The following RUNX2 variants were observed in gnomAD, a reference collection of about 807,000 sequenced individuals.
RUNX2 encodes the protein RUNX family transcription factor 2.
Under a neutral mutation model 51.7 loss-of-function variants are expected in RUNX2, and 10 were observed. The observed-to-expected ratio is 0.19, with a 90% CI of 0.12 to 0.33. The LOEUF (loss-of-function observed/expected upper bound fraction) is 0.33. RUNX2 is among the 10% of genes least tolerant of loss of function. RUNX2 has a pLI of 1.00. For synonymous variants in RUNX2, 276 were observed against 273.6 expected, an observed-to-expected ratio of 1.01 and a Z score of -0.09; for missense variants, 562 against 691.3, an observed-to-expected ratio of 0.81 and a Z score of 2.10.
At chr6:45,461,298 A>T (rs1799470279) in intron 5 of RUNX2, among the ~76,000 whole-genome samples, 1 of 152,246 alleles carries the variant, frequency 6.6e-6, no homozygotes, top group Non-Finnish European at 1.5e-5. Flanking sequence ...ACAGGGAATT[A>T]CAGGGACTGG....
intron 5 of RUNX2, among the ~76,000 whole-genome samples, chr6:45,457,152 A>G (rs190813387): frequency 2.4e-3 from 370 of 152,338 alleles, no homozygotes; most frequent in African/African-American, 8.2e-3. Context: ...TGGGGGTTAC[A>G]TAGTTGTAGT....
rs1053677813 is a variant in RUNX2 at position 45,550,922 on chromosome 6, C to A, written c.*3617C>A. ...ATTGTAAAAATTCCGCTTTGTGCCACAGGTCATGATTGTGGATGAGTTTAC... is the reference window on the plus strand; with the variant it reads ...ATTGTAAAAATTCCGCTTTGTGCCAAAGGTCATGATTGTGGATGAGTTTAC... On this transcript the variant is annotated 3_prime_UTR_variant, in exon 9 of 9. Coordinates refer to ENST00000647337, the MANE Select transcript of RUNX2 (RefSeq NM_001024630.4). 2.6e-5 allele frequency: 4 copies of A among 152,612 alleles called. No homozygotes were observed. The highest frequency in any genetic ancestry group is 2.9e-5 in the Non-Finnish European group (2 of 68,052). The allele number at this position is 152,612 out of a possible 1,614,324, so 9.5% of individuals were successfully genotyped here.
chr6:45,328,828 T>TA (rs767517550), intron 2 of RUNX2, 44 bp downstream of exon 2: 1 of 1,580,074 alleles, frequency 6.3e-7, no homozygotes, highest in Admixed American at 1.7e-5. Context: ...ATGAACCTGT[T>TA]AAACATAAAG....
chr6:45,352,058 T>G (rs745512333), intron 2 of RUNX2, among the ~76,000 whole-genome samples: 3 of 152,174 alleles, frequency 2.0e-5, no homozygotes, highest in Non-Finnish European at 4.4e-5. Context: ...CTTGCCTGCT[T>G]CCTTAAAATG....
At chr6:45,535,822 C>T (rs1041161955) in intron 7 of RUNX2, among the ~76,000 whole-genome samples, 14 of 151,800 alleles carry the variant, frequency 9.2e-5, no homozygotes, top group African/African-American at 3.1e-4. Context: ...CAATGTAAAC[C>T]CAGGCAGGAA....
At chr6:45,447,614 C>G (rs1346077089) in intron 5 of RUNX2, among the ~76,000 whole-genome samples, 1 of 152,178 alleles carries the variant, frequency 6.6e-6, no homozygotes, top group African/African-American at 2.4e-5. Context: ...CCCCTCTCTT[C>G]TAATGTCGTT....
At chr6:45,546,806 A>G (rs1031643945) in intron 8 of RUNX2, 21 bp from the exon 9 acceptor site, 54 of 1,563,544 alleles carry the variant, frequency 3.5e-5, no homozygotes, top group Non-Finnish European at 4.4e-5. Flanking sequence ...TTTTCCCTCC[A>G]TCTTCTGTTA....
intron 2 of RUNX2, among the ~76,000 whole-genome samples, chr6:45,342,215 A>C (rs1371908947): frequency 6.6e-6 from 1 of 152,044 alleles, no homozygotes; most frequent in East Asian, 1.9e-4. Flanking sequence ...TTGTCACTAC[A>C]GTTGTGCCTA....
chr6:45,511,715 G>A (rs1207985401), intron 6 of RUNX2, among the ~76,000 whole-genome samples: 1 of 152,136 alleles, frequency 6.6e-6, no homozygotes, highest in African/African-American at 2.4e-5. Flanking sequence ...AAAGTGCCCT[G>A]AGATGAAATC....
intron 5 of RUNX2, among the ~76,000 whole-genome samples, chr6:45,453,928 AT>A (rs1451993532): frequency 6.6e-6 from 1 of 152,166 alleles, no homozygotes; most frequent in East Asian, 1.9e-4. Context: ...CATTCATTTT[AT>A]TTTTTACAGA....
intron 5 of RUNX2, among the ~76,000 whole-genome samples, chr6:45,453,943 T>C (rs1799249770): frequency 6.6e-6 from 1 of 152,202 alleles, no homozygotes. Flanking sequence ...TTACAGAACA[T>C]ATTTTTGTCC....
chr6:45,460,455 T>G (rs999548686), intron 5 of RUNX2, among the ~76,000 whole-genome samples: 2 of 152,044 alleles, frequency 1.3e-5, no homozygotes, highest in African/African-American at 4.8e-5. Context: ...TTGTTGAAAA[T>G]TAAGAGAAAT....
intron 2 of RUNX2, among the ~76,000 whole-genome samples, chr6:45,406,422 T>C (rs889074778): frequency 5.3e-5 from 8 of 152,200 alleles, no homozygotes; most frequent in African/African-American, 1.9e-4. Flanking sequence ...ATTCTTTTTA[T>C]AGTTGTTTTT....
At chr6:45,368,897 T>C (rs1384775868) in intron 2 of RUNX2, among the ~76,000 whole-genome samples, 2 of 152,132 alleles carry the variant, frequency 1.3e-5, no homozygotes, top group Admixed American at 6.6e-5. Context: ...AACACTATTA[T>C]GCACTGAGTT....
chr6:45,382,971 A>G (rs528588070), intron 2 of RUNX2, among the ~76,000 whole-genome samples: 1 of 152,282 alleles, frequency 6.6e-6, no homozygotes, highest in Non-Finnish European at 1.5e-5. Context: ...AGGATGAACA[A>G]TTTTGTTCAG....
chr6:45,514,762 C>T (rs1801267388), intron 7 of RUNX2, among the ~76,000 whole-genome samples: 1 of 152,124 alleles, frequency 6.6e-6, no homozygotes, highest in East Asian at 1.9e-4. Flanking sequence ...ATTTCTAATT[C>T]CCTGGGGACT....
intron 7 of RUNX2, among the ~76,000 whole-genome samples, chr6:45,526,981 A>G (rs1196506068): frequency 6.6e-6 from 1 of 152,250 alleles, no homozygotes; most frequent in Admixed American, 6.5e-5. Context: ...AGGGTGGGCA[A>G]TTGAAAATAA....
intron 2 of RUNX2, among the ~76,000 whole-genome samples, chr6:45,334,505 T>C (rs1465460581): frequency 2.2e-5 from 3 of 135,226 alleles, no homozygotes; most frequent in Non-Finnish European, 4.8e-5. Flanking sequence ...ACAATAACAA[T>C]CATCAATAAG....
intron 2 of RUNX2, among the ~76,000 whole-genome samples, chr6:45,378,451 G>T (rs568773402): frequency 6.6e-6 from 1 of 152,162 alleles, no homozygotes; most frequent in African/African-American, 2.4e-5. Context: ...CTCCCCGCAG[G>T]GCCGCAGTAC....
Sources: gnomAD v4.1 joint callset for allele counts (sites outside exome capture counted in the v4.1 genomes callset) on GRCh38, gnomAD v4.1.1 for gene constraint, MANE v1.5 for transcripts, NCBI Gene and HGNC (gene_info 2026-07-23, HGNC 2026-07-21) for gene names.